The following CUX2 variants were observed in gnomAD, a reference collection of about 807,000 sequenced individuals.
CUX2 encodes homeobox protein cut-like 2.
CUX2 carries 40 observed loss-of-function variants against 144.8 expected under a neutral mutation model. The ratio of observed to expected loss-of-function variants is 0.28; its 90% confidence interval spans 0.21 to 0.36. The LOEUF (loss-of-function observed/expected upper bound fraction) is 0.36, where lower values mean the gene tolerates loss of function less well. CUX2 is among the 10% of genes least tolerant of loss of function. CUX2 has a pLI of 1.00. For missense variants in CUX2, 1,615 were observed against 1,994.0 expected (o/e 0.81, Z 3.62); for synonymous variants, 827 against 875.6 (o/e 0.94, Z 0.98).
intron 3 of CUX2, among the ~76,000 whole-genome samples, chr12:111,248,737 A>G (rs1883408004): frequency 6.6e-6 from 1 of 152,158 alleles, no homozygotes; most frequent in Non-Finnish European, 1.5e-5. Flanking sequence ...AGCCTGTCCC[A>G]ACAGACGGCT....
chr12:111,179,594 GT>G (rs1879041641), intron 1 of CUX2, among the ~76,000 whole-genome samples: 4 of 103,670 alleles, frequency 3.9e-5, no homozygotes, highest in African/African-American at 1.6e-4. Context: ...CATCGCCGTG[GT>G]TGTTGTTGTT....
chr12:111,219,994 A>G (rs1013308433), intron 3 of CUX2, among the ~76,000 whole-genome samples: 12 of 152,064 alleles, frequency 7.9e-5, no homozygotes, highest in African/African-American at 2.9e-4. Context: ...AAATACAAAA[A>G]TTAGCCAGGT....
At chr12:111,052,184 G>A (rs925314438) in intron 1 of CUX2, among the ~76,000 whole-genome samples, 1 of 152,088 alleles carries the variant, frequency 6.6e-6, no homozygotes, top group African/African-American at 2.4e-5. Context: ...ACTCCTCCCA[G>A]ATCCTTGGAG....
chr12:111,097,460 CTTTA>C (rs1488213206), intron 1 of CUX2, among the ~76,000 whole-genome samples: 2 of 152,154 alleles, frequency 1.3e-5, no homozygotes, highest in Non-Finnish European at 2.9e-5. Flanking sequence ...TTCTTTTTGG[CTTTA>C]TTTATTAGCA....
In CUX2 at chr12:111,307,124, G is replaced by A. The variant is rs369281999; in HGVS notation, c.1050+12G>A. On this transcript the variant is annotated intron_variant, in intron 11 of 21. Transcript: ENST00000261726. This position sits in a 1 kb window ranked among gnomAD's most constrained non-coding sequence, Gnocchi z 4.1. ...CCGAGGCCATAGAAGTGGGTCCTGG[G>A]GAGGAGGCAGGCGGGCAGGCGGCCC... 2.5e-6 allele frequency: 4 copies of A among 1,613,650 alleles called. No homozygotes were observed. Among genetic ancestry groups the A allele is most frequent in the Middle Eastern group, 1.7e-4 (1 of 6,060 alleles).
At chr12:111,170,909 C>G (rs540941756) in intron 1 of CUX2, among the ~76,000 whole-genome samples, 2 of 152,046 alleles carry the variant, frequency 1.3e-5, no homozygotes, top group African/African-American at 4.8e-5. Context: ...GGGAGTGTCT[C>G]CTGGGAAGCG....
chr12:111,347,918 G>C lies in CUX2; in HGVS notation c.4054G>C (p.Gly1352Arg). 1 of 1,614,124 alleles carries C rather than the reference G, an allele frequency of 6.2e-7. No individual in the cohort carries two copies. The highest frequency in any genetic ancestry group is 8.5e-7 in the Non-Finnish European group (1 of 1,180,020). ...PKVAPGPLLPGGSTPDCPSLH... is the reference protein window; with the variant it reads ...PKVAPGPLLPRGSTPDCPSLH... ...AGTGGCTCCCGGGCCCCTCCTTCCA[G>C]GTGGATCCACCCCAGACTGTCCCTC... is the stretch of plus-strand genomic sequence containing the variant. The change falls in exon 22 of 22, where the codon GGT becomes CGT. Residue 1352 changes from glycine to arginine, a missense_variant. Physicochemically the swap from Gly to Arg is moderately radical, Grantham distance 125 (BLOSUM62 -2). This residue lies in a region of CUX2 where 298 missense variants were observed against 330.4 expected (regional missense o/e 0.90). Coordinates refer to ENST00000261726, the MANE Select transcript of CUX2 (RefSeq NM_015267.4).
intron 3 of CUX2, among the ~76,000 whole-genome samples, chr12:111,257,882 C>T (rs1045243634): frequency 6.6e-6 from 1 of 152,094 alleles, no homozygotes; most frequent in African/African-American, 2.4e-5. Context: ...TTGCTGCTGC[C>T]CTTCTGTGTG....
chr12:111,344,209 T>C (rs1418276139), intron 21 of CUX2, among the ~76,000 whole-genome samples: 4 of 152,250 alleles, frequency 2.6e-5, no homozygotes, highest in African/African-American at 9.6e-5. Context: ...CCACAGGAAC[T>C]GAGCACTCCG....
intron 1 of CUX2, among the ~76,000 whole-genome samples, chr12:111,183,664 C>T (rs1234524230): frequency 6.6e-6 from 1 of 152,232 alleles, no homozygotes; most frequent in East Asian, 1.9e-4. Context: ...CGTCACTTCT[C>T]CATCCTGCAG....
intron 1 of CUX2, among the ~76,000 whole-genome samples, chr12:111,207,948 G>A (rs1881010734): frequency 6.6e-6 from 1 of 152,072 alleles, no homozygotes. Context: ...CTGAGCTGAG[G>A]GAAAGGAGAC....
intron 3 of CUX2, among the ~76,000 whole-genome samples, chr12:111,254,499 CAT>C (rs1434641758): frequency 1.3e-5 from 2 of 152,232 alleles, no homozygotes; most frequent in African/African-American, 2.4e-5. Context: ...CTGACTTACA[CAT>C]GAGGGTTCAA....
intron 1 of CUX2, among the ~76,000 whole-genome samples, chr12:111,156,922 A>AGACTC (rs1877414380): frequency 1.4e-5 from 2 of 145,306 alleles, no homozygotes; most frequent in Non-Finnish European, 1.5e-5. Flanking sequence ...GGAGACGGAG[A>AGACTC]CTGCAGTGAG....
intron 19 of CUX2, 75 bp downstream of exon 19, chr12:111,334,785 G>T: frequency 6.8e-7 from 1 of 1,480,858 alleles, no homozygotes; most frequent in Admixed American, 2.1e-5. Flanking sequence ...AAGGTGTCTG[G>T]AGCTGGGACC....
chr12:111,250,368 G>A (rs912339698), intron 3 of CUX2, among the ~76,000 whole-genome samples: 22 of 151,968 alleles, frequency 1.4e-4, no homozygotes, highest in South Asian at 4.1e-4. Context: ...TTGGCCCCTC[G>A]TGTGTGTATA....
In CUX2 at chr12:111,350,260, A is replaced by G. The variant is rs2136464672; in HGVS notation, c.*1935A>G. The G allele has an allele frequency of 6.6e-6, 1 of 152,640 alleles. No homozygotes were observed. The highest frequency in any genetic ancestry group is 6.5e-5 in the Admixed American group (1 of 15,304). The allele number at this position is 152,640 out of a possible 1,614,324, so 9.5% of individuals were successfully genotyped here. ...CACTTTTTACTGTTGAAACCAACAC[A>G]ACGTTGAAATCCAGGCTTATACGCA... On this transcript the variant is annotated 3_prime_UTR_variant, in exon 22 of 22. Coordinates refer to ENST00000261726, the MANE Select transcript of CUX2 (RefSeq NM_015267.4).
rs1004403182 is a variant in CUX2, at chr12:111,160,824, A to G, written c.64-53376A>G. The stretch of plus-strand genomic sequence containing the variant: ...TGCGGTGATGATGTAATGTGTCGGG[A>G]TGGAATGAATGAAGATGACTCCCGG... On this transcript the variant is annotated intron_variant, in intron 1 of 21. Coordinates refer to ENST00000261726, the MANE Select transcript of CUX2 (RefSeq NM_015267.4). The surrounding 1 kb of genome is among the most constrained non-coding windows in gnomAD (Gnocchi z 4.1). Among the ~76,000 whole-genome samples the G allele has an allele frequency of 2.0e-5, 3 of 152,032 alleles. No individual in the cohort carries two copies. The highest frequency in any genetic ancestry group is 2.9e-5 in the Non-Finnish European group (2 of 67,984).
chr12:111,328,975 C>CTCTCTCTCTCTCTCTCTCTCG (rs1491501890), intron 18 of CUX2, among the ~76,000 whole-genome samples: 1 of 65,676 alleles, frequency 1.5e-5, no homozygotes, highest in South Asian at 7.6e-4. Flanking sequence ...CTCTCTCTCT[C>CTCTCTCTCTCTCTCTCTCTCG]CCCCTCTCTC....
In CUX2 at chr12:111,077,226, C is replaced by G. The variant is rs1289363760; in HGVS notation, c.63+42986C>G. On this transcript the variant is annotated intron_variant, in intron 1 of 21. Coordinates refer to ENST00000261726, the MANE Select transcript of CUX2 (RefSeq NM_015267.4). This position sits in a 1 kb window ranked among gnomAD's most constrained non-coding sequence, Gnocchi z 4.1. The stretch of plus-strand genomic sequence containing the variant: ...CCCAAACCCCGCAGCGCCCCCGAGG[C>G]CCAAGCTGGCCTCTGCCTGCCCTGC... 6.6e-6 allele frequency among the ~76,000 whole-genome samples: 1 copy of G among 152,226 alleles called. No homozygotes were observed.
Sources: allele counts gnomAD v4.1 joint callset (sites outside exome capture counted in the v4.1 genomes callset), GRCh38; gene constraint gnomAD v4.1.1; regional missense constraint gnomAD v4.1.1; non-coding constraint Gnocchi (gnomAD v3.1); transcripts MANE v1.5; gene names NCBI Gene and HGNC (gene_info 2026-07-23, HGNC 2026-07-21).